The following UGT1A9 variants were observed in gnomAD, a reference collection of about 807,000 sequenced individuals.
UGT1A9 encodes the protein UDP-glucuronosyltransferase 1A9.
A neutral mutation model predicts 45.0 loss-of-function variants in UGT1A9; 35 were observed. The ratio of observed to expected loss-of-function variants is 0.78; its 90% CI spans 0.59 to 1.03. The LOEUF (loss-of-function observed/expected upper bound fraction) is 1.03, where lower values mean the gene tolerates loss of function less well. Among genes scored for constraint, UGT1A9 ranks in the 50% least tolerant of loss-of-function variants. The probability of loss-of-function intolerance (pLI) is 0.00; values close to 1 mark genes in which losing one functional copy is unlikely to be tolerated. For synonymous variants in UGT1A9, 278 were observed against 250.6 expected, an observed-to-expected ratio of 1.11 and a Z score of -1.03; for missense variants, 687 against 666.6, an observed-to-expected ratio of 1.03 and a Z score of -0.34.
intron 1 of UGT1A9, among the ~76,000 whole-genome samples, chr2:233,753,894 C>T (rs2125923149): frequency 6.6e-6 from 1 of 152,316 alleles, no homozygotes; most frequent in African/African-American, 2.4e-5. Flanking sequence ...TCAGAAGGAA[C>T]ATGCTTCTTA....
At chr2:233,712,759 G>A (rs897356928) in intron 1 of UGT1A9, among the ~76,000 whole-genome samples, 48 of 152,058 alleles carry the variant, frequency 3.2e-4, no homozygotes, top group Admixed American at 2.4e-3. Flanking sequence ...CAGAGCGAGC[G>A]CAAGGTCAGA....
intron 1 of UGT1A9, among the ~76,000 whole-genome samples, chr2:233,705,628 G>T (rs1440329298): frequency 6.6e-6 from 1 of 152,194 alleles, no homozygotes; most frequent in Non-Finnish European, 1.5e-5. Context: ...TGAGTTGACA[G>T]TTCTAGGAAG....
chr2:233,745,932 CAGCTGGGGGTT>C (rs1347994151), intron 1 of UGT1A9, among the ~76,000 whole-genome samples: 3 of 151,404 alleles, frequency 2.0e-5, no homozygotes, highest in East Asian at 3.9e-4. Context: ...TCAGAAGGGA[CAGCTGGGGGTT>C]GGGCAACTGG....
chr2:233,694,688 C>T (rs1334896868), intron 1 of UGT1A9, among the ~76,000 whole-genome samples: 1 of 152,190 alleles, frequency 6.6e-6, no homozygotes, highest in East Asian at 1.9e-4. Flanking sequence ...GTCCCAAAGA[C>T]CCTTACCTCT....
intron 1 of UGT1A9, among the ~76,000 whole-genome samples, chr2:233,704,622 G>C (rs1418353770): frequency 6.6e-6 from 1 of 152,090 alleles, no homozygotes; most frequent in African/African-American, 2.4e-5. Flanking sequence ...TATAGAGTTT[G>C]TTATATTAAC....
At chr2:233,745,011 G>A (rs1692986382) in intron 1 of UGT1A9, among the ~76,000 whole-genome samples, 1 of 151,810 alleles carries the variant, frequency 6.6e-6, no homozygotes, top group South Asian at 2.1e-4. Flanking sequence ...CCTAATAAAT[G>A]TAAATGCTAT....
At chr2:233,737,384 T>C (rs375300244) in intron 1 of UGT1A9, among the ~76,000 whole-genome samples, 6 of 152,362 alleles carry the variant, frequency 3.9e-5, no homozygotes, top group African/African-American at 1.4e-4. Context: ...GAGAATCTCC[T>C]TGTCTGCCAG....
chr2:233,757,558 A>ATG lies in UGT1A9; in HGVS notation c.856-9475_856-9474insGT, dbSNP rs896198958. On this transcript the variant is annotated intron_variant, in intron 1 of 4. Coordinates refer to ENST00000354728, the MANE Select transcript of UGT1A9 (RefSeq NM_021027.3). ...GGAATATATATATATATATATATAT[A>ATG]TATGTATATATGATATAGCTATAGT... is the stretch of plus-strand genomic sequence containing the variant. Among the ~76,000 whole-genome samples, 13 of 124,446 alleles carry ATG rather than the reference A, an allele frequency of 1.0e-4. 1 individual carries two copies. The highest frequency in any genetic ancestry group is 1.7e-4 in the Non-Finnish European group (10 of 60,604). 81.6% of individuals were successfully genotyped at this position (124,446 alleles called of 152,430 possible).
At chr2:233,719,672 G>T (rs777502728) in intron 1 of UGT1A9, 75 of 1,613,516 alleles carry the variant, frequency 4.6e-5, no homozygotes, top group Non-Finnish European at 6.0e-5. Flanking sequence ...GTGCCAACGG[G>T]AAGCCACTAT....
intron 1 of UGT1A9, among the ~76,000 whole-genome samples, chr2:233,751,632 T>C (rs1694768911): frequency 1.3e-5 from 2 of 152,196 alleles, no homozygotes; most frequent in Non-Finnish European, 2.9e-5. Context: ...ATGTGTGCAG[T>C]TTCCCCCTTG....
chr2:233,672,069 G>A lies in UGT1A9; in HGVS notation c.135G>A (p.Val45=). The change falls in exon 1 of 5, where the codon GTG becomes GTA. Residue 45 remains valine (V), a synonymous_variant. Coordinates refer to ENST00000354728, the MANE Select transcript of UGT1A9 (RefSeq NM_021027.3). ...ACTGGTTCACCATGAGGTCGGTGGTGGAGAAACTCATTCTCAGGGGGCATG... is the reference window on the plus strand; with the variant it reads ...ACTGGTTCACCATGAGGTCGGTGGTAGAGAAACTCATTCTCAGGGGGCATG... ...GSHWFTMRSV[V]EKLILRGHEV... 2 of 1,614,108 alleles carry A rather than the reference G, an allele frequency of 1.2e-6. No homozygotes were observed. The highest frequency in any genetic ancestry group is 1.7e-6 in the Non-Finnish European group (2 of 1,179,992).
intron 1 of UGT1A9, among the ~76,000 whole-genome samples, chr2:233,750,295 C>T (rs1409213003): frequency 3.3e-5 from 5 of 151,894 alleles, no homozygotes; most frequent in African/African-American, 1.2e-4. Context: ...GCATTTTGCC[C>T]CTGCCCTAGA....
rs1392909464 is a variant in UGT1A9 at position 233,754,916 on chromosome 2, C to T, written c.856-12118C>T. 5.9e-6 allele frequency: 8 copies of T among 1,353,400 alleles called. No homozygotes were observed. The Admixed American group carries it at 9.5e-5, about 16-fold the overall frequency. The allele number at this position is 1,353,400 out of a possible 1,614,324, so 83.8% of individuals were successfully genotyped here. On this transcript the variant is annotated intron_variant, in intron 1 of 4. Coordinates refer to ENST00000354728, the MANE Select transcript of UGT1A9 (RefSeq NM_021027.3). ...TCTGACCCCCCAAAATATTCTCCAG[C>T]GGGTTTCCCAAGAGGTCAAAGGAGA...
chr2:233,747,618 G>T (rs1433302665), intron 1 of UGT1A9: 1 of 1,574,996 alleles, frequency 6.3e-7, no homozygotes, highest in African/African-American at 1.4e-5. Context: ...GCATAATGAG[G>T]CCCTGATCAG....
In UGT1A9 at chr2:233,671,925, C is replaced by T. The variant is rs1163568942; in HGVS notation, c.-10C>T. 1 of 1,597,426 alleles carries T rather than the reference C, an allele frequency of 6.3e-7. No homozygotes were observed. Among genetic ancestry groups the T allele is most frequent in the East Asian group, 2.2e-5 (1 of 44,774 alleles). The stretch of plus-strand genomic sequence containing the variant: ...ATTCCCAGCTGCTTGCTCTCAGCTG[C>T]AGTTCTCTGATGGCTTGCACAGGGT... On this transcript the variant is annotated 5_prime_UTR_variant, in exon 1 of 5. Coordinates refer to ENST00000354728, the MANE Select transcript of UGT1A9 (RefSeq NM_021027.3).
intron 1 of UGT1A9, among the ~76,000 whole-genome samples, chr2:233,678,266 A>G (rs1195139142): frequency 6.6e-6 from 1 of 152,234 alleles, no homozygotes; most frequent in Admixed American, 6.5e-5. Flanking sequence ...GCATCACACA[A>G]TATACTCAGG....
At chr2:233,693,555 G>C in intron 1 of UGT1A9, 1 of 1,614,172 alleles carries the variant, frequency 6.2e-7, no homozygotes, top group East Asian at 2.2e-5. Flanking sequence ...ACATTCAGCA[G>C]AAGCCCAGAC....
intron 1 of UGT1A9, among the ~76,000 whole-genome samples, chr2:233,692,624 A>T (rs907640758): frequency 6.6e-6 from 1 of 152,204 alleles, no homozygotes; most frequent in African/African-American, 2.4e-5. Flanking sequence ...TCATGGACAT[A>T]ACAGACAACG....
At chr2:233,752,385 CAG>C (rs1206895244) in intron 1 of UGT1A9, 1 of 152,142 alleles carries the variant, frequency 6.6e-6, no homozygotes, top group Non-Finnish European at 1.5e-5. Flanking sequence ...ATCTTTGCAA[CAG>C]AGGAAATGCC....
Sources: gnomAD v4.1 joint callset for allele counts (sites outside exome capture counted in the v4.1 genomes callset) on GRCh38, gnomAD v4.1.1 for gene constraint, MANE v1.5 for transcripts, NCBI Gene and HGNC (gene_info 2026-07-23, HGNC 2026-07-21) for gene names.